CACNA1E: variants seen among roughly 807,000 people sequenced by gnomAD.
CACNA1E encodes the protein calcium voltage-gated channel subunit alpha1 E.
Under a neutral mutation model 259.2 loss-of-function variants are expected in CACNA1E, and 40 were observed. The ratio of observed to expected loss-of-function variants is 0.15; its 90% confidence interval spans 0.12 to 0.20. The LOEUF is 0.20. Ranked by LOEUF, CACNA1E falls within the 10% of genes least tolerant of loss-of-function variation. The pLI is 1.00. For missense variants in CACNA1E, 1,874 were observed against 3,040.1 expected (o/e 0.62, Z 9.02); for synonymous variants, 1,104 against 1,138.5 (o/e 0.97, Z 0.61).
chr1:181,731,799 G>A (rs1655506202), intron 19 of CACNA1E, among the ~76,000 whole-genome samples: 1 of 151,966 alleles, frequency 6.6e-6, no homozygotes, highest in South Asian at 2.1e-4. Context: ...AGCCTTCTCT[G>A]GCTTTTATTA....
At chr1:181,689,193 C>A (rs1650888249) in intron 7 of CACNA1E, among the ~76,000 whole-genome samples, 1 of 152,080 alleles carries the variant, frequency 6.6e-6, no homozygotes. Flanking sequence ...CATGTGTTCT[C>A]ATTGTTCAAC....
chr1:181,599,898 G>C (rs767982502), intron 6 of CACNA1E, among the ~76,000 whole-genome samples: 10 of 152,206 alleles, frequency 6.6e-5, no homozygotes, highest in South Asian at 2.1e-4. Flanking sequence ...TGTGCTAGGA[G>C]TCAGGGATAT....
In CACNA1E at chr1:181,798,362, G is replaced by A. The variant is rs2480373; in HGVS notation, c.6470G>A (p.Arg2157Gln). 1,308 of 1,611,754 alleles carry A rather than the reference G, an allele frequency of 8.1e-4. No individual in the cohort carries two copies. Among genetic ancestry groups the A allele is most frequent in the Middle Eastern group, 1.3e-3 (8 of 6,060 alleles). Residue 2157 changes from arginine to glutamine, a missense_variant, in exon 48 of 48, where the codon CGG (arginine) becomes CAG (glutamine). Around this residue, in one of 14 missense-constraint regions of CACNA1E, gnomAD observed 542 missense variants for 587.2 expected, o/e 0.92. Transcript: ENST00000367573. The surrounding 1 kb of genome is among the most constrained non-coding windows in gnomAD (Gnocchi z 4.2). ...SDTSTPRRSR[R>Q]QLPPVPPKPR... is the part of the protein sequence containing the mutation. ...ACCAGCACCCCAAGAAGAAGTCGTC[G>A]GCAGCTCCCACCCGTCCCGCCAAAG...
At chr1:181,319,146 G>C (rs1650152668) in intron 1 of CACNA1E, among the ~76,000 whole-genome samples, 1 of 152,136 alleles carries the variant, frequency 6.6e-6, no homozygotes, top group South Asian at 2.1e-4. Flanking sequence ...GAGATCTGGG[G>C]GCTTGTCGTA....
In CACNA1E at chr1:181,716,126, G is replaced by A; in HGVS notation, c.1312G>A (p.Val438Met). ...SDEHCVDISS[V>M]GTPLARASIK... ...TGAGCACTGTGTTGATATCTCCTCT[G>A]TGGGTGAGTGGATCCAGTTAGATCT... Residue 438 changes from valine to methionine, a missense_variant, in exon 10 of 48, where the codon GTG becomes ATG. Val to Met is a conservative substitution (Grantham distance 21). Transcript: ENST00000367573. 3.2e-6 allele frequency: 5 copies of A among 1,547,670 alleles called. No individual in the cohort carries two copies. Among genetic ancestry groups the A allele is most frequent in the Non-Finnish European group, 4.4e-6 (5 of 1,139,768 alleles).
chr1:181,509,322 T>C (rs1394783127), intron 1 of CACNA1E, among the ~76,000 whole-genome samples: 2 of 152,140 alleles, frequency 1.3e-5, no homozygotes, highest in African/African-American at 4.8e-5. Flanking sequence ...ATTGCAGGGA[T>C]AGCTGTGATT....
At chr1:181,323,524 C>G (rs1210117377) in intron 1 of CACNA1E, among the ~76,000 whole-genome samples, 1 of 152,136 alleles carries the variant, frequency 6.6e-6, no homozygotes. Flanking sequence ...TGTCTCCCTT[C>G]CCTTCTCTCT....
chr1:181,342,722 A>T (rs945535342), intron 1 of CACNA1E, among the ~76,000 whole-genome samples: 1 of 152,178 alleles, frequency 6.6e-6, no homozygotes, highest in African/African-American at 2.4e-5. Flanking sequence ...AGAAGTGCTT[A>T]CCTCGAAAGC....
In CACNA1E at chr1:181,798,413, C is replaced by T. The variant is rs2102910660; in HGVS notation, c.6521C>T (p.Ser2174Phe). 1 of 1,613,692 alleles carries T rather than the reference C, an allele frequency of 6.2e-7. No homozygotes were observed. Among genetic ancestry groups the T allele is most frequent in the East Asian group, 2.2e-5 (1 of 44,872 alleles). Residue 2174 changes from serine to phenylalanine, a missense_variant, in exon 48 of 48, where the codon TCC becomes TTC. Ser to Phe is a radical substitution (Grantham distance 155, BLOSUM62 -2). Coordinates refer to ENST00000367573, the MANE Select transcript of CACNA1E (RefSeq NM_001205293.3). This position sits in a 1 kb window ranked among gnomAD's most constrained non-coding sequence, Gnocchi z 4.2. ...CCCCGGCCCCTCCTTTCCTACAGCT[C>T]CCTGATTCGACACGCGGGCAGCATC... ...PKPRPLLSYS[S>F]LIRHAGSISP...
intron 3 of CACNA1E, among the ~76,000 whole-genome samples, chr1:181,537,439 T>C (rs576783382): frequency 6.6e-6 from 1 of 152,294 alleles, no homozygotes; most frequent in South Asian, 2.1e-4. Context: ...CTACTTTCTG[T>C]CCAGAGGGGA....
At chr1:181,558,899 G>C (rs1284768803) in intron 3 of CACNA1E, among the ~76,000 whole-genome samples, 1 of 152,132 alleles carries the variant, frequency 6.6e-6, no homozygotes, top group Non-Finnish European at 1.5e-5. Context: ...ACTGTTAATA[G>C]AGAAAAAGCT....
At chr1:181,368,441 A>G (rs1297573475) in intron 1 of CACNA1E, among the ~76,000 whole-genome samples, 1 of 152,246 alleles carries the variant, frequency 6.6e-6, no homozygotes, top group Non-Finnish European at 1.5e-5. Flanking sequence ...ATTGAATTAG[A>G]AATGATCAAA....
rs2102924546 is a variant in CACNA1E at position 181,801,156 on chromosome 1, A to G, written c.*2322A>G. 1 of 152,774 alleles carries G rather than the reference A, an allele frequency of 6.5e-6. No homozygotes were observed. Among genetic ancestry groups the G allele is most frequent in the South Asian group, 2.1e-4 (1 of 4,830 alleles). The allele number at this position is 152,774 out of a possible 1,614,324, so 9.5% of individuals were successfully genotyped here. On this transcript the variant is annotated 3_prime_UTR_variant, in exon 48 of 48. Transcript: ENST00000367573. ...ATTGCTTTTTCCACCTCGGAAATGC[A>G]GCTTTCCCTAGGGGGAGGCCTACAA...
In CACNA1E at chr1:181,490,256, A is replaced by G. The variant is rs138830234; in HGVS notation, c.266+6246A>G. ...TGAATGACTTTAAAATGTGTCGGTT[A>G]TCCAAGAGATCCTCCCTGCCACCTC... On this transcript the variant is annotated intron_variant, in intron 1 of 47. Coordinates refer to ENST00000367573, the MANE Select transcript of CACNA1E (RefSeq NM_001205293.3). 6.5e-3 allele frequency among the ~76,000 whole-genome samples: 984 copies of G among 152,272 alleles called. 7 individuals are homozygous for G. The highest frequency in any genetic ancestry group is 0.022 in the African/African-American group (908 of 41,556).
rs1002168027 is a variant in CACNA1E at position 181,732,123 on chromosome 1, G to C, written c.2298-261G>C. On this transcript the variant is annotated intron_variant, in intron 19 of 47. Transcript: ENST00000367573. This position sits in a 1 kb window ranked among gnomAD's most constrained non-coding sequence, Gnocchi z 5.5. The stretch of plus-strand genomic sequence containing the variant: ...CCTGGGGACTTGGAACTCCTCCCAG[G>C]GTTGATGCCTACCCAGCCCTCAGCT... Among the ~76,000 whole-genome samples, 1 of 151,996 alleles carries C rather than the reference G, an allele frequency of 6.6e-6. No individual in the cohort carries two copies. The highest frequency in any genetic ancestry group is 2.4e-5 in the African/African-American group (1 of 41,406).
chr1:181,333,600 A>G (rs1651453126), intron 1 of CACNA1E, among the ~76,000 whole-genome samples: 1 of 152,154 alleles, frequency 6.6e-6, no homozygotes, highest in Non-Finnish European at 1.5e-5. Context: ...CATTTGTTTC[A>G]TTAGGGGCTT....
At chr1:181,738,642 A>T (rs980158593) in intron 24 of CACNA1E, among the ~76,000 whole-genome samples, 2 of 152,196 alleles carry the variant, frequency 1.3e-5, no homozygotes, top group African/African-American at 2.4e-5. Context: ...AGGCCTGTGG[A>T]CATGGCCCAA....
chr1:181,607,321 A>G (rs1654328789), intron 6 of CACNA1E, among the ~76,000 whole-genome samples: 1 of 152,340 alleles, frequency 6.6e-6, no homozygotes, highest in East Asian at 1.9e-4. Context: ...CTATGTGTAT[A>G]TAAACTTTCA....
chr1:181,644,380 A>G (rs567775378), intron 6 of CACNA1E, among the ~76,000 whole-genome samples: 179 of 152,238 alleles, frequency 1.2e-3, no homozygotes, highest in African/African-American at 4.1e-3. Context: ...GATGAGTTGG[A>G]TGACTTGTTC....
Sources: allele counts gnomAD v4.1 joint callset (sites outside exome capture counted in the v4.1 genomes callset), GRCh38; gene constraint gnomAD v4.1.1; regional missense constraint gnomAD v4.1.1; non-coding constraint Gnocchi (gnomAD v3.1); transcripts MANE v1.5; gene names NCBI Gene and HGNC (gene_info 2026-07-23, HGNC 2026-07-21).